Variants in CORO1C observed in about 807,000 individuals in gnomAD.
The protein encoded by CORO1C is coronin-1C.
Under a neutral mutation model 51.2 loss-of-function variants are expected in CORO1C, and 14 were observed. That is an observed-to-expected ratio of 0.27 (90% confidence interval 0.18 to 0.43). The LOEUF is 0.43. Among genes scored for constraint, CORO1C ranks in the 20% least tolerant of loss-of-function variants. The probability of loss-of-function intolerance (pLI) is 1.00; values close to 1 mark genes in which losing one functional copy is unlikely to be tolerated. For missense variants in CORO1C, 417 were observed against 607.8 expected (o/e 0.69, Z 3.30); for synonymous variants, 181 against 210.5 (o/e 0.86, Z 1.21).
rs544914327 is a variant in CORO1C at position 108,707,161 on chromosome 12, T to C, written c.-5-5838A>G. 7.2e-5 allele frequency among the ~76,000 whole-genome samples: 11 copies of C among 152,256 alleles called. No homozygotes were observed. In the South Asian group the frequency reaches 1.4e-3, roughly 20 times the overall value. On this transcript the variant is annotated intron_variant, in intron 1 of 10. Coordinates refer to ENST00000261401, the MANE Select transcript of CORO1C (RefSeq NM_014325.4). Reference sequence around the variant, plus strand: ...AATCCCTATCAGACTCCCAGAAGAATTCTTTGTAGAAATGGATGAAGGGAT... The same window carrying C: ...AATCCCTATCAGACTCCCAGAAGAACTCTTTGTAGAAATGGATGAAGGGAT...
At chr12:108,669,496 A>C (rs1336132959) in intron 3 of CORO1C, among the ~76,000 whole-genome samples, 1 of 152,078 alleles carries the variant, frequency 6.6e-6, no homozygotes, top group Non-Finnish European at 1.5e-5. Context: ...ATGGAAGGCA[A>C]CTGGGGCTGA....
intron 2 of CORO1C, among the ~76,000 whole-genome samples, chr12:108,679,130 G>GAAAAAA (rs2034027068): frequency 3.9e-5 from 2 of 50,786 alleles, no homozygotes; most frequent in Admixed American, 2.4e-4. Flanking sequence ...AAAAAAAAAA[G>GAAAAAA]AAACAAGAAA....
At chr12:108,721,571 C>T (rs763980561) in intron 1 of CORO1C, among the ~76,000 whole-genome samples, 1 of 152,040 alleles carries the variant, frequency 6.6e-6, no homozygotes, top group Non-Finnish European at 1.5e-5. Context: ...TTTGTGAATA[C>T]GAATTTTTTA....
intron 1 of CORO1C, among the ~76,000 whole-genome samples, chr12:108,713,596 A>G (rs1215054414): frequency 6.6e-6 from 1 of 152,256 alleles, no homozygotes; most frequent in East Asian, 1.9e-4. Context: ...CGGGCCTCAC[A>G]GAGCTAGGCC....
intron 1 of CORO1C, among the ~76,000 whole-genome samples, chr12:108,724,293 G>A (rs1037277127): frequency 6.6e-6 from 1 of 152,198 alleles, no homozygotes; most frequent in Non-Finnish European, 1.5e-5. Context: ...CTGGGTCAAA[G>A]ACTACAAAGG....
chr12:108,651,881 C>T (rs577844550), intron 8 of CORO1C, among the ~76,000 whole-genome samples: 2 of 151,862 alleles, frequency 1.3e-5, no homozygotes, highest in South Asian at 2.1e-4. Context: ...TGAGATGTGC[C>T]GGGTGTGGTG....
rs934835120 is a variant in CORO1C, at chr12:108,659,459, T to G, written c.449-540A>C. Among the ~76,000 whole-genome samples the G allele has an allele frequency of 2.0e-5, 3 of 152,222 alleles. No individual in the cohort carries two copies. In the East Asian group the frequency reaches 5.8e-4, roughly 29 times the overall value. ...TATAAACAAAAGGAAAAAAAATCAC[T>G]TTTAATCCCACCACTCAGAGAGAAG... is the stretch of plus-strand genomic sequence containing the variant. On this transcript the variant is annotated intron_variant, in intron 4 of 10. Transcript: ENST00000261401.
intron 6 of CORO1C, among the ~76,000 whole-genome samples, chr12:108,656,095 TCTGC>T (rs2032969046): frequency 3.4e-5 from 5 of 145,528 alleles, no homozygotes; most frequent in Non-Finnish European, 6.0e-5. Context: ...GAGGAGCCCC[TCTGC>T]CCGGCAGCCG....
chr12:108,699,176 T>C (rs932859578), intron 2 of CORO1C, among the ~76,000 whole-genome samples: 1 of 152,172 alleles, frequency 6.6e-6, no homozygotes, highest in Admixed American at 6.5e-5. Context: ...AAGAATGAAA[T>C]ACAAGGACAC....
intron 1 of CORO1C, among the ~76,000 whole-genome samples, chr12:108,708,463 T>G (rs1276202861): frequency 8.0e-6 from 1 of 124,492 alleles, no homozygotes; most frequent in Non-Finnish European, 1.7e-5. Flanking sequence ...TTGCTTAGAG[T>G]TTTTTTTTTT....
In CORO1C at chr12:108,678,398, A is replaced by G; in HGVS notation, c.196-4T>C. On this transcript the variant is annotated splice_region_variant and splice_polypyrimidine_tract_variant and intron_variant, in intron 2 of 10. Coordinates refer to ENST00000261401, the MANE Select transcript of CORO1C (RefSeq NM_014325.4). Reference sequence around the variant, plus strand: ...AAGATTTGTCAATTCGACCAGTCTGAAAGAAGAGAGAAACAAACCTATTAT... The same window carrying G: ...AAGATTTGTCAATTCGACCAGTCTGGAAGAAGAGAGAAACAAACCTATTAT... The G allele has an allele frequency of 6.4e-7, 1 of 1,573,494 alleles. No individual in the cohort carries two copies. Among genetic ancestry groups the G allele is most frequent in the South Asian group, 1.2e-5 (1 of 86,208 alleles).
intron 1 of CORO1C, among the ~76,000 whole-genome samples, chr12:108,722,037 T>C (rs2035485390): frequency 6.6e-6 from 1 of 152,206 alleles, no homozygotes; most frequent in South Asian, 2.1e-4. Context: ...GTATCAGGAC[T>C]AGCCTCCTTA....
chr12:108,715,642 C>T (rs376683963), intron 1 of CORO1C, among the ~76,000 whole-genome samples: 6 of 147,474 alleles, frequency 4.1e-5, no homozygotes, highest in African/African-American at 1.2e-4. Flanking sequence ...TCCCTCCCCC[C>T]CTCCCCCCCG....
chr12:108,689,973 T>C (rs2034440517), intron 2 of CORO1C, among the ~76,000 whole-genome samples: 5 of 152,226 alleles, frequency 3.3e-5, no homozygotes, highest in Admixed American at 3.3e-4. Context: ...CAAAAGCGTA[T>C]CTATTGAAGT....
intron 2 of CORO1C, among the ~76,000 whole-genome samples, chr12:108,690,919 A>C (rs2034472012): frequency 6.6e-6 from 1 of 152,358 alleles, no homozygotes; most frequent in African/African-American, 2.4e-5. Flanking sequence ...AAGCCCTCGT[A>C]GTAAGCAAAT....
intron 1 of CORO1C, chr12:108,701,835 TTG>T (rs2034880689): frequency 5.8e-6 from 1 of 172,876 alleles, no homozygotes; most frequent in African/African-American, 2.4e-5. Flanking sequence ...TGTCTGAGAA[TTG>T]TGTCTATTCC....
At position 108,648,776 on chromosome 12, in the gene CORO1C, G is replaced by C; in HGVS notation, c.1134C>G (p.Phe378Leu). The C allele has an allele frequency of 1.2e-6, 2 of 1,614,184 alleles. No homozygotes were observed. The highest frequency in any genetic ancestry group is 1.7e-6 in the Non-Finnish European group (2 of 1,180,034). The change falls in exon 10 of 11, where the codon TTC becomes TTG. Residue 378 changes from phenylalanine (F) to leucine (L), a missense_variant. Physicochemically the swap from Phe to Leu is conservative, Grantham distance 22. Coordinates refer to ENST00000261401, the MANE Select transcript of CORO1C (RefSeq NM_014325.4). ...GGATTGGGTCTGCATTCTTGCCTTC[G>C]AACCACTCTTCTGCCTCCAGCGCGG... The part of the protein sequence containing the change: ...PEAALEAEEW[F>L]EGKNADPILI...
At chr12:108,652,128 C>G in intron 8 of CORO1C, 144 bp downstream of exon 8, 1 of 394,434 alleles carries the variant, frequency 2.5e-6, no homozygotes, top group East Asian at 6.0e-5. Flanking sequence ...AAAGTGCCAT[C>G]TCATGGCAAT....
intron 3 of CORO1C, among the ~76,000 whole-genome samples, chr12:108,667,669 G>A (rs568917638): frequency 6.6e-6 from 1 of 152,300 alleles, no homozygotes; most frequent in South Asian, 2.1e-4. Flanking sequence ...TTCAAGGCCA[G>A]CCTGTGCAAC....
Sources: allele counts gnomAD v4.1 joint callset (sites outside exome capture counted in the v4.1 genomes callset), GRCh38; gene constraint gnomAD v4.1.1; transcripts MANE v1.5; gene names NCBI Gene and HGNC (gene_info 2026-07-23, HGNC 2026-07-21).